SFPQ: variants seen among roughly 807,000 people sequenced by gnomAD.
SFPQ encodes the protein splicing factor, proline- and glutamine-rich.
Under a neutral mutation model 72.9 loss-of-function variants are expected in SFPQ, and 11 were observed. The observed-to-expected ratio is 0.15, with a 90% CI of 0.09 to 0.25. SFPQ has a LOEUF of 0.25. Ranked by LOEUF, SFPQ falls within the 10% of genes least tolerant of loss-of-function variation. The pLI, the probability that SFPQ is intolerant of heterozygous loss-of-function variation, is 1.00. For synonymous variants in SFPQ, 506 were observed against 367.3 expected, an observed-to-expected ratio of 1.38 and a Z score of -4.32; for missense variants, 847 against 993.3, an observed-to-expected ratio of 0.85 and a Z score of 1.98.
chr1:35,180,193 A>T (rs1432829196), downstream of SFPQ: 1 of 1,051,358 alleles, frequency 9.5e-7, no homozygotes, highest in Non-Finnish European at 1.1e-6. Flanking sequence ...CAGAGCAGAA[A>T]CATTATACAT....
chr1:35,178,044 A>G, downstream of SFPQ: 5 of 1,287,252 alleles, frequency 3.9e-6, no homozygotes, highest in Non-Finnish European at 4.0e-6. Flanking sequence ...TACCTAAAGA[A>G]TAATAAGAAA....
chr1:35,183,162 A>G lies in SFPQ; in HGVS notation c.*1294T>C, dbSNP rs1639542547. ...AGATTTTGCCCAACAGAAGTAGCAC[A>G]AGGAGATGTAAAAGTTACAGAGTAC... is the stretch of plus-strand genomic sequence containing the variant. On this transcript the variant is annotated 3_prime_UTR_variant, in exon 10 of 10. Coordinates refer to ENST00000357214, the MANE Select transcript of SFPQ (RefSeq NM_005066.3). 3.9e-6 allele frequency: 4 copies of G among 1,024,160 alleles called. No individual in the cohort carries two copies. The highest frequency in any genetic ancestry group is 4.7e-6 in the Non-Finnish European group (4 of 853,094). 63.4% of individuals were successfully genotyped at this position (1,024,160 alleles called of 1,614,324 possible). A position where few individuals can be genotyped will look rare whatever the true frequency, so the allele number is the denominator to read the frequency against.
chr1:35,190,754 G>A lies in SFPQ; in HGVS notation c.1259C>T (p.Ser420Phe), dbSNP rs895143322. 1.9e-6 allele frequency: 3 copies of A among 1,614,082 alleles called. No homozygotes were observed. The highest frequency in any genetic ancestry group is 1.3e-5 in the African/African-American group (1 of 74,920). The change falls in exon 3 of 10, where the codon TCT becomes TTT. Residue 420 changes from serine to phenylalanine, a missense_variant. Transcript: ENST00000357214. ...STGKGIVEFA[S>F]KPAARKAFER... The stretch of plus-strand genomic sequence containing the variant: ...AAATGCCTTTCTTGCTGCTGGCTTA[G>A]AAGCAAATTCAACAATGCCTTTCCC...
chr1:35,182,840 C>T, downstream of SFPQ: 1 of 1,048,538 alleles, frequency 9.5e-7, no homozygotes, highest in Non-Finnish European at 1.2e-6. Flanking sequence ...ATTATACTAA[C>T]AGGCAACAAT....
chr1:35,181,204 C>T, downstream of SFPQ: 1 of 1,065,398 alleles, frequency 9.4e-7, no homozygotes, highest in Non-Finnish European at 1.1e-6. Context: ...ATGTCCATTG[C>T]CATTTGCGGT....
chr1:35,182,539 T>C (rs996534220), downstream of SFPQ: 3 of 985,446 alleles, frequency 3.0e-6, no homozygotes, highest in African/African-American at 1.7e-5. Context: ...AGCATTATCC[T>C]GTTTCCTATG....
downstream of SFPQ, chr1:35,180,147 A>G: frequency 9.5e-7 from 1 of 1,049,458 alleles, no homozygotes; most frequent in Non-Finnish European, 1.2e-6. Flanking sequence ...TGAAGTTTTC[A>G]TCAGCATTTA....
chr1:35,188,937 G>C, intron 6 of SFPQ, 66 bp downstream of exon 6: 1 of 1,305,102 alleles, frequency 7.7e-7, no homozygotes, highest in South Asian at 1.2e-5. Flanking sequence ...CTCCAGCCCG[G>C]GCAACAGAAT....
In SFPQ at chr1:35,184,034, A is replaced by T. The variant is rs1403049315; in HGVS notation, c.*422T>A. 1.9e-6 allele frequency: 2 copies of T among 1,060,396 alleles called. No individual in the cohort carries two copies. The highest frequency in any genetic ancestry group is 3.3e-5 in the African/African-American group (2 of 60,750). 65.7% of individuals were successfully genotyped at this position (1,060,396 alleles called of 1,614,324 possible). Reference sequence around the variant, plus strand: ...TTCCCAGAAATGGCATATGCCATTCAAAGGCCTAGACACTCTCATGCTTTC... The same window carrying T: ...TTCCCAGAAATGGCATATGCCATTCTAAGGCCTAGACACTCTCATGCTTTC... On this transcript the variant is annotated 3_prime_UTR_variant, in exon 10 of 10. Coordinates refer to ENST00000357214, the MANE Select transcript of SFPQ (RefSeq NM_005066.3).
intron 7 of SFPQ, 34 bp from the exon 8 acceptor site, chr1:35,187,285 A>G (rs773549769): frequency 7.2e-5 from 114 of 1,590,654 alleles, no homozygotes; most frequent in Non-Finnish European, 9.6e-5. Flanking sequence ...ATATACCTGC[A>G]CTATACCCAC....
chr1:35,187,042 G>C lies in SFPQ; in HGVS notation c.1945C>G (p.Pro649Ala). The C allele has an allele frequency of 3.7e-6, 6 of 1,614,020 alleles. No individual in the cohort carries two copies. The highest frequency in any genetic ancestry group is 5.1e-6 in the Non-Finnish European group (6 of 1,179,936). The change falls in exon 9 of 10, where the codon CCA (proline) becomes GCA (alanine). Residue 649 changes from proline (P) to alanine (A), a missense_variant. Pro to Ala is a conservative substitution (Grantham distance 27). Coordinates refer to ENST00000357214, the MANE Select transcript of SFPQ (RefSeq NM_005066.3). The part of the protein sequence containing the change: ...GIGYEANPGV[P>A]PATMSGSMMG... ...ATGGAACCACTCATGGTTGCTGGTG[G>C]AACGCCAGGATTAGCTTCATAACCT... is the stretch of plus-strand genomic sequence containing the variant.
chr1:35,181,944 AAAC>A (rs1354275964), downstream of SFPQ: 362 of 985,200 alleles, frequency 3.7e-4, no homozygotes, highest in Non-Finnish European at 4.1e-4. Flanking sequence ...ATTATTTGCT[AAAC>A]AACGTTTAGC....
rs1477024160 is a variant in SFPQ, at chr1:35,192,817, G to A, written c.233C>T (p.Pro78Leu). 6.0e-6 allele frequency: 9 copies of A among 1,506,348 alleles called. No individual in the cohort carries two copies. Among genetic ancestry groups the A allele is most frequent in the African/African-American group, 2.9e-5 (2 of 69,600 alleles). The allele number at this position is 1,506,348 out of a possible 1,614,324, so 93.3% of individuals were successfully genotyped here. ...QQQQPPPQQP[P>L]PQQPPPHQPP... is the part of the protein sequence containing the mutation. ...CTGATGCGGTGGCGGCTGCTGCGGC[G>A]GTGGCTGCTGCGGTGGTGGCTGTTG... Residue 78 changes from proline (P) to leucine (L), a missense_variant, in exon 1 of 10, where the codon CCG becomes CTG. Transcript: ENST00000357214.
chr1:35,178,294 C>T, downstream of SFPQ: 1 of 1,095,290 alleles, frequency 9.1e-7, no homozygotes, highest in Non-Finnish European at 1.1e-6. Context: ...CTCAGTTTCA[C>T]CAGTCTGAGC....
Position 35,192,756 on chromosome 1 carries a change from C to T in SFPQ, c.294G>A (p.Gln98=), listed in dbSNP as rs1346074750. The T allele has an allele frequency of 2.0e-6, 3 of 1,489,650 alleles. No homozygotes were observed. The highest frequency in any genetic ancestry group is 1.3e-5 in the South Asian group (1 of 79,154). The allele number at this position is 1,489,650 out of a possible 1,614,324, so 92.3% of individuals were successfully genotyped here. The change falls in exon 1 of 10, where the codon CAG becomes CAA. Residue 98 remains glutamine, a synonymous_variant. Transcript: ENST00000357214. ...PPHPQPHQQQ[Q]PPPPPQDSSK... ...AAGAGTCCTGCGGCGGTGGCGGCGG[C>T]TGCTGCTGCTGATGCGGCTGTGGAT... is the stretch of plus-strand genomic sequence containing the variant.
downstream of SFPQ, chr1:35,178,867 C>T (rs1639352358): frequency 2.9e-6 from 3 of 1,046,446 alleles, no homozygotes; most frequent in Admixed American, 5.6e-5. Flanking sequence ...ATCTTAAGTC[C>T]AAGCCCTTTT....
chr1:35,191,600 G>C (rs1640000364), intron 1 of SFPQ, 71 bp from the exon 2 acceptor site: 1 of 1,237,166 alleles, frequency 8.1e-7, no homozygotes, highest in Non-Finnish European at 1.1e-6. Flanking sequence ...GATAGTATTT[G>C]CTTATCTGAA....
chr1:35,189,505 C>T, intron 4 of SFPQ, 123 bp from the exon 5 acceptor site: 1 of 660,180 alleles, frequency 1.5e-6, no homozygotes. Flanking sequence ...AAAAATTTTC[C>T]TGATTCATCT....
intron 7 of SFPQ, among the ~76,000 whole-genome samples, chr1:35,187,717 G>A (rs757168975): frequency 6.6e-6 from 1 of 150,878 alleles, no homozygotes; most frequent in Non-Finnish European, 1.5e-5. Flanking sequence ...GGTGACAAGA[G>A]CAAAACTCTC....
Sources: allele counts gnomAD v4.1 joint callset (sites outside exome capture counted in the v4.1 genomes callset), GRCh38; gene constraint gnomAD v4.1.1; transcripts MANE v1.5; gene names NCBI Gene and HGNC (gene_info 2026-07-23, HGNC 2026-07-21).